FRMPD2: variants seen among roughly 807,000 people sequenced by gnomAD.
FRMPD2 encodes FERM and PDZ domain-containing protein 2.
Under a neutral mutation model 140.1 loss-of-function variants are expected in FRMPD2, and 96 were observed. The ratio of observed to expected loss-of-function variants is 0.69; its 90% CI spans 0.58 to 0.81. The LOEUF (loss-of-function observed/expected upper bound fraction) is 0.81. FRMPD2 is among the 40% of genes least tolerant of loss of function. The pLI is 0.00. For missense variants in FRMPD2, 1,240 were observed against 1,447.4 expected (o/e 0.86, Z 2.32); for synonymous variants, 449 against 547.6 (o/e 0.82, Z 2.52).
chr10:48,207,689 C>T (rs1392686943), intron 13 of FRMPD2, among the ~76,000 whole-genome samples: 1 of 152,118 alleles, frequency 6.6e-6, no homozygotes, highest in Non-Finnish European at 1.5e-5. Flanking sequence ...GACGCCAGTC[C>T]CCATCAGAAG....
At position 48,192,891 on chromosome 10, in the gene FRMPD2, T is replaced by C. The variant is rs201787276; in HGVS notation, c.1958A>G (p.His653Arg). The C allele has an allele frequency of 1.2e-6, 2 of 1,612,576 alleles. No individual in the cohort carries two copies. Among genetic ancestry groups the C allele is most frequent in the Non-Finnish European group, 1.7e-6 (2 of 1,179,342 alleles). Reference sequence around the variant, plus strand: ...ATTGGCCATTTGCACAAACTTATCATGGTCTGAATTTGGGGAGAAAAACAT... The same window carrying C: ...ATTGGCCATTTGCACAAACTTATCACGGTCTGAATTTGGGGAGAAAAACAT... ...SGQPSHVLFDHDKFVQMANLS... is the reference protein window; with the variant it reads ...SGQPSHVLFDRDKFVQMANLS... The change falls in exon 16 of 29, where the codon CAT becomes CGT. Residue 653 changes from histidine to arginine, a missense_variant. Physicochemically the swap from His to Arg is conservative, Grantham distance 29. Coordinates refer to ENST00000374201, the MANE Select transcript of FRMPD2 (RefSeq NM_001018071.4).
chr10:48,252,052 T>G lies in FRMPD2; in HGVS notation c.26-361A>C, dbSNP rs114907372. Reference sequence around the variant, plus strand: ...CAGAGAGTAACCTACACCTGGGTAGTGTGTGGCCTCCTCTCCTTCTCTCTC... The same window carrying G: ...CAGAGAGTAACCTACACCTGGGTAGGGTGTGGCCTCCTCTCCTTCTCTCTC... On this transcript the variant is annotated intron_variant, in intron 1 of 28. Coordinates refer to ENST00000374201, the MANE Select transcript of FRMPD2 (RefSeq NM_001018071.4). Among the ~76,000 whole-genome samples the G allele has an allele frequency of 6.7e-3, 1,026 of 152,306 alleles. 11 individuals are homozygous for G. The highest frequency in any genetic ancestry group is 0.023 in the African/African-American group (953 of 41,560).
At chr10:48,208,588 A>T (rs142346911) in intron 13 of FRMPD2, among the ~76,000 whole-genome samples, 84 of 152,372 alleles carry the variant, frequency 5.5e-4, no homozygotes, top group African/African-American at 2.0e-3. Context: ...CAACTGAAAT[A>T]CAGGGAATCC....
At chr10:48,232,939 G>A (rs1378776971) in intron 9 of FRMPD2, among the ~76,000 whole-genome samples, 3 of 152,196 alleles carry the variant, frequency 2.0e-5, no homozygotes, top group Non-Finnish European at 2.9e-5. Context: ...GCAGCCACCT[G>A]GGCCATTCTG....
chr10:48,213,598 G>A (rs1839379414), intron 12 of FRMPD2, among the ~76,000 whole-genome samples: 1 of 152,060 alleles, frequency 6.6e-6, no homozygotes. Context: ...TGGGTGAATG[G>A]ATAAATAAAC....
intron 5 of FRMPD2, among the ~76,000 whole-genome samples, chr10:48,241,866 G>T (rs1037744998): frequency 6.6e-6 from 1 of 152,192 alleles, no homozygotes; most frequent in African/African-American, 2.4e-5. Flanking sequence ...CTTTATGTAA[G>T]GACGCACTTG....
intron 5 of FRMPD2, 127 bp downstream of exon 5, chr10:48,242,034 G>C: frequency 1.5e-6 from 1 of 661,548 alleles, no homozygotes. Flanking sequence ...CACTTGAAAT[G>C]TGACAGATGT....
At chr10:48,160,380 T>C (rs1440386390) in intron 28 of FRMPD2, among the ~76,000 whole-genome samples, 2 of 151,360 alleles carry the variant, frequency 1.3e-5, no homozygotes, top group African/African-American at 4.9e-5. Flanking sequence ...ACCTGGCAGA[T>C]GGTAAGTTCC....
At chr10:48,212,472 G>C (rs1839351121) in intron 12 of FRMPD2, among the ~76,000 whole-genome samples, 1 of 152,132 alleles carries the variant, frequency 6.6e-6, no homozygotes, top group Non-Finnish European at 1.5e-5. Context: ...ACACCACTTG[G>C]AAGTGACAGA....
intron 1 of FRMPD2, among the ~76,000 whole-genome samples, chr10:48,258,874 T>A (rs1161439975): frequency 6.6e-6 from 1 of 152,236 alleles, no homozygotes; most frequent in East Asian, 1.9e-4. Flanking sequence ...ATTATAACTA[T>A]TTTATAAAAA....
intron 22 of FRMPD2, 106 bp from the exon 23 acceptor site, chr10:48,176,045 G>A (rs1483391655): frequency 5.4e-5 from 35 of 648,004 alleles, no homozygotes; most frequent in Middle Eastern, 4.2e-4. Context: ...TCTATCCCAT[G>A]ACCTTACCTC....
intron 12 of FRMPD2, among the ~76,000 whole-genome samples, chr10:48,218,331 C>G (rs562030279): frequency 1.3e-5 from 2 of 152,192 alleles, no homozygotes; most frequent in Admixed American, 1.3e-4. Flanking sequence ...GATGACGTAG[C>G]AGACTAGAAC....
intron 15 of FRMPD2, among the ~76,000 whole-genome samples, chr10:48,197,269 G>T (rs1215816177): frequency 6.6e-6 from 1 of 152,076 alleles, no homozygotes; most frequent in Non-Finnish European, 1.5e-5. Context: ...AAACCCCCGT[G>T]AGCAGGAGCC....
chr10:48,262,636 A>C (rs1231551120), intron 1 of FRMPD2, among the ~76,000 whole-genome samples: 1 of 152,176 alleles, frequency 6.6e-6, no homozygotes, highest in Non-Finnish European at 1.5e-5. Context: ...CTGCCAAAGA[A>C]CTGGATCTAG....
At chr10:48,193,724 T>G (rs1297522377) in intron 15 of FRMPD2, among the ~76,000 whole-genome samples, 1 of 152,188 alleles carries the variant, frequency 6.6e-6, no homozygotes, top group Non-Finnish European at 1.5e-5. Context: ...ATGGTAGTGG[T>G]GTGGCTCCTG....
intron 15 of FRMPD2, among the ~76,000 whole-genome samples, chr10:48,193,253 T>C (rs7100254): frequency 0.049 from 7,484 of 152,272 alleles, 596 homozygotes; most frequent in African/African-American, 0.16. Flanking sequence ...CCTTCTGCTT[T>C]CTGCTTTTAC....
chr10:48,214,027 TAA>T (rs143323510), intron 12 of FRMPD2, among the ~76,000 whole-genome samples: 1 of 152,360 alleles, frequency 6.6e-6, no homozygotes, highest in African/African-American at 2.4e-5. Context: ...GGACTTGCTG[TAA>T]CCCTAAGACC....
At chr10:48,261,015 T>C (rs191890621) in intron 1 of FRMPD2, among the ~76,000 whole-genome samples, 5 of 152,308 alleles carry the variant, frequency 3.3e-5, no homozygotes, top group South Asian at 2.1e-4. Flanking sequence ...AGAATGCCTT[T>C]GGTGGGCTCA....
At chr10:48,238,654 C>T (rs1238569809) in intron 7 of FRMPD2, among the ~76,000 whole-genome samples, 1 of 152,232 alleles carries the variant, frequency 6.6e-6, no homozygotes, top group Non-Finnish European at 1.5e-5. Context: ...GACACTGTTA[C>T]AGCCCTCAAC....
Sources: allele counts gnomAD v4.1 joint callset (sites outside exome capture counted in the v4.1 genomes callset), GRCh38; gene constraint gnomAD v4.1.1; transcripts MANE v1.5; gene names NCBI Gene and HGNC (gene_info 2026-07-23, HGNC 2026-07-21).